The following RBMS3 variants were observed in gnomAD, a reference collection of about 807,000 sequenced individuals.
The protein encoded by RBMS3 is RNA-binding motif, single-stranded-interacting protein 3.
In RBMS3, 27 loss-of-function variants were observed where a neutral mutation model predicts 66.8. The observed-to-expected ratio is 0.40, with a 90% CI of 0.30 to 0.56. RBMS3 has a LOEUF of 0.56. Ranked by LOEUF, RBMS3 falls within the 20% of genes least tolerant of loss-of-function variation. RBMS3 has a pLI of 0.40. For missense variants in RBMS3, 513 were observed against 549.5 expected (o/e 0.93, Z 0.66); for synonymous variants, 188 against 183.0 (o/e 1.03, Z -0.22).
At chr3:29,586,536 G>A (rs1325015125) in intron 3 of RBMS3, among the ~76,000 whole-genome samples, 1 of 152,100 alleles carries the variant, frequency 6.6e-6, no homozygotes, top group East Asian at 1.9e-4. Flanking sequence ...CATTGAGATA[G>A]ACAAGATAAT....
chr3:29,397,825 A>G (rs939679770), intron 1 of RBMS3, among the ~76,000 whole-genome samples: 1 of 152,096 alleles, frequency 6.6e-6, no homozygotes, highest in African/African-American at 2.4e-5. Flanking sequence ...CTGGAACTAT[A>G]GATGCATGTC....
intron 10 of RBMS3, among the ~76,000 whole-genome samples, chr3:29,906,052 A>G (rs1382663912): frequency 6.6e-6 from 1 of 152,120 alleles, no homozygotes; most frequent in Admixed American, 6.6e-5. Flanking sequence ...TACAACATTG[A>G]ATTTTTCTAT....
chr3:29,500,557 T>G (rs2043929017), intron 3 of RBMS3, among the ~76,000 whole-genome samples: 1 of 152,006 alleles, frequency 6.6e-6, no homozygotes, highest in Non-Finnish European at 1.5e-5. Flanking sequence ...TACCATGTTT[T>G]TACTGTACCT....
intron 1 of RBMS3, among the ~76,000 whole-genome samples, chr3:29,293,710 A>G (rs1413759115): frequency 6.6e-6 from 1 of 151,248 alleles, no homozygotes; most frequent in African/African-American, 2.4e-5. Flanking sequence ...TCCTAGGGCT[A>G]ATATTTTTTT....
At chr3:29,691,947 C>CTTTTTTTTTTTTTTT in intron 4 of RBMS3, among the ~76,000 whole-genome samples, 1 of 53,524 alleles carries the variant, frequency 1.9e-5, no homozygotes, top group Non-Finnish European at 3.9e-5. Context: ...CTCTCTCTCT[C>CTTTTTTTTTTTTTTT]TATTTTTTTT....
chr3:29,577,314 C>G (rs2047153960), intron 3 of RBMS3, among the ~76,000 whole-genome samples: 1 of 152,218 alleles, frequency 6.6e-6, no homozygotes, highest in Admixed American at 6.5e-5. Context: ...CTGTCTGCCC[C>G]TTAGGCAGAA....
intron 6 of RBMS3, among the ~76,000 whole-genome samples, chr3:29,860,222 C>T (rs2059179889): frequency 6.6e-6 from 1 of 152,150 alleles, no homozygotes. Context: ...AAAAGCAGTT[C>T]TAAGTTTTTG....
intron 1 of RBMS3, among the ~76,000 whole-genome samples, chr3:29,326,887 C>T (rs778580695): frequency 4.6e-5 from 7 of 152,102 alleles, no homozygotes; most frequent in Non-Finnish European, 7.4e-5. Flanking sequence ...TGCACCACCA[C>T]GCCCAGCTAA....
chr3:29,449,009 A>G (rs1204120166), intron 2 of RBMS3, among the ~76,000 whole-genome samples: 1 of 152,182 alleles, frequency 6.6e-6, no homozygotes, highest in Non-Finnish European at 1.5e-5. Flanking sequence ...CTTACTCACT[A>G]GAACTCTGGA....
intron 12 of RBMS3, among the ~76,000 whole-genome samples, chr3:29,976,333 A>T (rs1015168494): frequency 6.6e-6 from 1 of 152,060 alleles, no homozygotes; most frequent in African/African-American, 2.4e-5. Flanking sequence ...TCCCAGTAGA[A>T]GTATATCCTG....
At chr3:29,937,004 A>T (rs111611937) in intron 11 of RBMS3, among the ~76,000 whole-genome samples, 1 of 152,054 alleles carries the variant, frequency 6.6e-6, no homozygotes, top group African/African-American at 2.4e-5. Flanking sequence ...CTTCAGTAAC[A>T]GTTTTATTTT....
chr3:29,296,912 AT>A (rs915443924), intron 1 of RBMS3, among the ~76,000 whole-genome samples: 46 of 149,700 alleles, frequency 3.1e-4, no homozygotes, highest in South Asian at 4.2e-4. Flanking sequence ...TCAAATTAGC[AT>A]TTTTTTTTAA....
intron 4 of RBMS3, among the ~76,000 whole-genome samples, chr3:29,678,551 T>A (rs1201893274): frequency 6.6e-6 from 1 of 152,098 alleles, no homozygotes; most frequent in Non-Finnish European, 1.5e-5. Context: ...AGTAGTAATC[T>A]CCAGAGAGTG....
intron 4 of RBMS3, among the ~76,000 whole-genome samples, chr3:29,639,905 G>T (rs1280128853): frequency 1.3e-5 from 2 of 151,836 alleles, no homozygotes; most frequent in Non-Finnish European, 2.9e-5. Flanking sequence ...GTTCAATGAG[G>T]TATTCAGATG....
intron 4 of RBMS3, among the ~76,000 whole-genome samples, chr3:29,702,070 T>C (rs2052624232): frequency 6.6e-6 from 1 of 152,152 alleles, no homozygotes; most frequent in African/African-American, 2.4e-5. Flanking sequence ...CAATCAGCAC[T>C]CTGTGTCTAG....
intron 11 of RBMS3, among the ~76,000 whole-genome samples, chr3:29,938,420 T>C (rs995755415): frequency 6.6e-6 from 1 of 151,952 alleles, no homozygotes; most frequent in Non-Finnish European, 1.5e-5. Context: ...TTCTAAATAA[T>C]GCTTAGATAC....
rs192604880 is a variant in RBMS3, at chr3:29,770,583, C to G, written c.637+7594C>G. 3.4e-4 allele frequency among the ~76,000 whole-genome samples: 52 copies of G among 152,064 alleles called. No homozygotes were observed. The East Asian group carries it at 8.9e-3, about 26-fold the overall frequency. On this transcript the variant is annotated intron_variant, in intron 6 of 14. Coordinates refer to ENST00000383767, the MANE Select transcript of RBMS3 (RefSeq NM_001003793.3). ...CATCTCCAAAATCATGAACCACCTT[C>G]ATAACTTATTTCTAAAATACTGACT...
At chr3:29,429,516 AG>A (rs1487934098) in intron 1 of RBMS3, among the ~76,000 whole-genome samples, 2 of 152,166 alleles carry the variant, frequency 1.3e-5, no homozygotes, top group Admixed American at 6.5e-5. Context: ...TGCAGCTGCA[AG>A]AGAAATCCTC....
chr3:29,651,861 T>A (rs1235826904), intron 4 of RBMS3, among the ~76,000 whole-genome samples: 1 of 152,182 alleles, frequency 6.6e-6, no homozygotes, highest in East Asian at 1.9e-4. Flanking sequence ...TCATATAATT[T>A]TAAATACATT....
Sources: allele counts gnomAD v4.1 joint callset (sites outside exome capture counted in the v4.1 genomes callset), GRCh38; gene constraint gnomAD v4.1.1; transcripts MANE v1.5; gene names NCBI Gene and HGNC (gene_info 2026-07-23, HGNC 2026-07-21).